The following UBXN7 variants were observed in gnomAD, a reference collection of about 807,000 sequenced individuals.
The protein encoded by UBXN7 is UBX domain protein 7, also known as UBX domain-containing protein 7.
Under a neutral mutation model 58.0 loss-of-function variants are expected in UBXN7, and 9 were observed. The ratio of observed to expected loss-of-function variants is 0.16; its 90% confidence interval spans 0.09 to 0.27. UBXN7 has a LOEUF of 0.27. Ranked by LOEUF, UBXN7 falls within the 10% of genes least tolerant of loss-of-function variation. The pLI is 1.00. For missense variants in UBXN7, 328 were observed against 599.6 expected (o/e 0.55, Z 4.73); for synonymous variants, 208 against 205.0 (o/e 1.01, Z -0.12).
In UBXN7 at chr3:196,358,018, G is replaced by A. The variant is rs546835530; in HGVS notation, c.1309-1172C>T. Among the ~76,000 whole-genome samples the A allele has an allele frequency of 2.0e-5, 3 of 152,030 alleles. No homozygotes were observed. In the South Asian group the frequency reaches 6.2e-4, roughly 32 times the overall value. ...GCCCCACAGCACTCCAGCCTGGGCA[G>A]AGCCAGATCGTGTCTACAAGAAAAG... On this transcript the variant is annotated intron_variant, in intron 10 of 10. Coordinates refer to ENST00000296328, the MANE Select transcript of UBXN7 (RefSeq NM_015562.2).
In UBXN7 at chr3:196,355,055, A is replaced by G. The variant is rs770746712; in HGVS notation, c.*1630T>C. On this transcript the variant is annotated 3_prime_UTR_variant, in exon 11 of 11. Transcript: ENST00000296328. ...AAACCATATCCTATAACTGTGTACT[A>G]GCAACACATGGCATCTTTTTTTCTT... 2.6e-5 allele frequency: 4 copies of G among 152,138 alleles called. No individual in the cohort carries two copies. The highest frequency in any genetic ancestry group is 4.4e-5 in the Non-Finnish European group (3 of 68,024). 9.4% of individuals were successfully genotyped at this position (152,138 alleles called of 1,614,324 possible).
At chr3:196,401,276 T>TAA (rs1729962195) in intron 3 of UBXN7, among the ~76,000 whole-genome samples, 1 of 21,178 alleles carries the variant, frequency 4.7e-5, no homozygotes, top group Non-Finnish European at 7.7e-5. Flanking sequence ...AAAAAAAAAA[T>TAA]ATATATATAT....
At chr3:196,393,692 A>G (rs1729653957) in intron 3 of UBXN7, 73 bp from the exon 4 acceptor site, 4 of 1,451,860 alleles carry the variant, frequency 2.8e-6, no homozygotes, top group East Asian at 2.5e-5. Context: ...GTCCTTATCT[A>G]AAAGTATTTT....
At position 196,398,688 on chromosome 3, in the gene UBXN7, C is replaced by T. The variant is rs528767092; in HGVS notation, c.289+4264G>A. Among the ~76,000 whole-genome samples the T allele has an allele frequency of 2.0e-5, 3 of 152,300 alleles. No individual in the cohort carries two copies. The South Asian group carries it at 6.2e-4, about 32-fold the overall frequency. Reference sequence around the variant, plus strand: ...GGTCTGTCATCAGTAGGCTGAAGTGCAGTGGTGCAATCATGGCTCATGCCT... The same window carrying T: ...GGTCTGTCATCAGTAGGCTGAAGTGTAGTGGTGCAATCATGGCTCATGCCT... On this transcript the variant is annotated intron_variant, in intron 3 of 10. Transcript: ENST00000296328.
chr3:196,424,197 G>A lies in UBXN7; in HGVS notation c.73+8130C>T, dbSNP rs188798255. Among the ~76,000 whole-genome samples, 11 of 151,852 alleles carry A rather than the reference G, an allele frequency of 7.2e-5. No individual in the cohort carries two copies. The East Asian group carries it at 2.1e-3, about 30-fold the overall frequency. On this transcript the variant is annotated intron_variant, in intron 1 of 10. Transcript: ENST00000296328. ...TGAGCCACCACACGTGGCCACTCCT[G>A]ATGCTTTAAGTGCCATGATACTCTC...
In UBXN7 at chr3:196,400,510, A is replaced by G. The variant is rs570021265; in HGVS notation, c.289+2442T>C. 10 of 159,076 alleles carry G rather than the reference A, an allele frequency of 6.3e-5. No individual in the cohort carries two copies. The South Asian group carries it at 1.1e-3, about 17-fold the overall frequency. 9.9% of individuals were successfully genotyped at this position (159,076 alleles called of 1,614,324 possible). A position where few individuals can be genotyped will look rare whatever the true frequency, so the allele number is the denominator to read the frequency against. ...CACGCCCGTAACTCCAATATGGGCC[A>G]AGGCCAAGGCCAAGGCAGGCAGGAA... On this transcript the variant is annotated intron_variant, in intron 3 of 10. Coordinates refer to ENST00000296328, the MANE Select transcript of UBXN7 (RefSeq NM_015562.2).
Position 196,349,435 on chromosome 3 carries a change from TG to T in UBXN7, c.*7249del, listed in dbSNP as rs1560212957. The T allele has an allele frequency of 2.0e-5, 3 of 152,202 alleles. No homozygotes were observed. Among genetic ancestry groups the T allele is most frequent in the Non-Finnish European group, 4.4e-5 (3 of 68,042 alleles). 9.4% of individuals were successfully genotyped at this position (152,202 alleles called of 1,614,324 possible). A position where few individuals can be genotyped will look rare whatever the true frequency, so the allele number is the denominator to read the frequency against. On this transcript the variant is annotated 3_prime_UTR_variant, in exon 11 of 11. Transcript: ENST00000296328. Reference sequence around the variant, plus strand: ...TCAAAAAGTTATTGTTAAAAGCATATGATTAGTGTCATAAACATATTTATAT... The same window carrying T: ...TCAAAAAGTTATTGTTAAAAGCATATATTAGTGTCATAAACATATTTATAT...
At position 196,417,723 on chromosome 3, in the gene UBXN7, T is replaced by TAAAAAAAAAAAAAAAAAAAA. The variant is rs1730541556; in HGVS notation, c.74-10331_74-10330insTTTTTTTTTTTTTTTTTTTT. Among the ~76,000 whole-genome samples, 4 of 78,438 alleles carry TAAAAAAAAAAAAAAAAAAAA rather than the reference T, an allele frequency of 5.1e-5. 1 individual carries two copies. Among genetic ancestry groups the TAAAAAAAAAAAAAAAAAAAA allele is most frequent in the Non-Finnish European group, 9.4e-5 (4 of 42,414 alleles). The allele number at this position is 78,438 out of a possible 152,430, so 51.5% of individuals were successfully genotyped here. ...TTTGAGACCAGTCTGGGCAAAATGG[T>TAAAAAAAAAAAAAAAAAAAA]TAAAAAAAAAAAAAAAAAAAAAAAA... On this transcript the variant is annotated intron_variant, in intron 1 of 10. Coordinates refer to ENST00000296328, the MANE Select transcript of UBXN7 (RefSeq NM_015562.2).
chr3:196,367,956 C>A, intron 8 of UBXN7, 72 bp downstream of exon 8: 1 of 1,555,520 alleles, frequency 6.4e-7, no homozygotes. Flanking sequence ...ATCTTAACAT[C>A]GAACATTTTA....
At chr3:196,371,021 C>T (rs1180468334) in intron 6 of UBXN7, among the ~76,000 whole-genome samples, 1 of 152,160 alleles carries the variant, frequency 6.6e-6, no homozygotes, top group African/African-American at 2.4e-5. Flanking sequence ...AAAACCCTGT[C>T]TCACAGTGGG....
At chr3:196,395,913 G>A (rs1356361141) in intron 3 of UBXN7, among the ~76,000 whole-genome samples, 1 of 152,018 alleles carries the variant, frequency 6.6e-6, no homozygotes, top group Non-Finnish European at 1.5e-5. Context: ...CAACAGGCAT[G>A]TGCCACCACG....
At chr3:196,393,760 T>C in intron 3 of UBXN7, 141 bp from the exon 4 acceptor site, 1 of 678,430 alleles carries the variant, frequency 1.5e-6, no homozygotes. Context: ...ACAGGGGCCG[T>C]GCTAATCTCT....
chr3:196,431,499 G>A (rs1419545364), intron 1 of UBXN7: 2 of 158,292 alleles, frequency 1.3e-5, no homozygotes, highest in African/African-American at 4.8e-5. Flanking sequence ...CCTAGGCCTA[G>A]GGTTTCGGGG....
At chr3:196,405,051 C>T (rs11924832) in intron 2 of UBXN7, among the ~76,000 whole-genome samples, 1,943 of 152,056 alleles carry the variant, frequency 0.013, 42 homozygotes, top group African/African-American at 0.044. Context: ...CTACTTGAGG[C>T]GCCGAGGTTG....
intron 1 of UBXN7, among the ~76,000 whole-genome samples, chr3:196,430,051 AAATT>A (rs754835030): frequency 1.1e-4 from 16 of 152,166 alleles, no homozygotes; most frequent in Non-Finnish European, 2.4e-4. Flanking sequence ...AAGAAACTGA[AAATT>A]AATTAAGTGG....
chr3:196,419,604 A>G (rs959055846), intron 1 of UBXN7, among the ~76,000 whole-genome samples: 1 of 152,224 alleles, frequency 6.6e-6, no homozygotes, highest in African/African-American at 2.4e-5. Context: ...GCTAACTGAA[A>G]GATAATTAAA....
In UBXN7 at chr3:196,420,780, G is replaced by A. The variant is rs553700355; in HGVS notation, c.73+11547C>T. 4.6e-5 allele frequency among the ~76,000 whole-genome samples: 7 copies of A among 152,198 alleles called. No individual in the cohort carries two copies. In the South Asian group the frequency reaches 6.2e-4, roughly 14 times the overall value. On this transcript the variant is annotated intron_variant, in intron 1 of 10. Coordinates refer to ENST00000296328, the MANE Select transcript of UBXN7 (RefSeq NM_015562.2). Reference sequence around the variant, plus strand: ...AACCCAGCTGTGGCACACAACTTATGATGGCCATTTTCATGCTGCTATCTC... The same window carrying A: ...AACCCAGCTGTGGCACACAACTTATAATGGCCATTTTCATGCTGCTATCTC...
rs1398862831 is a variant in UBXN7, at chr3:196,422,217, A to C, written c.73+10110T>G. Reference sequence around the variant, plus strand: ...TCCATCTCAAAAACAAAAAACAAAAAAGCCCAGGCGTGGAGGCTCACACCT... The same window carrying C: ...TCCATCTCAAAAACAAAAAACAAAACAGCCCAGGCGTGGAGGCTCACACCT... On this transcript the variant is annotated intron_variant, in intron 1 of 10. Transcript: ENST00000296328. Among the ~76,000 whole-genome samples, 3 of 151,972 alleles carry C rather than the reference A, an allele frequency of 2.0e-5. No individual in the cohort carries two copies. The East Asian group carries it at 5.8e-4, about 29-fold the overall frequency.
At chr3:196,406,644 C>T (rs911757987) in intron 2 of UBXN7, among the ~76,000 whole-genome samples, 2 of 151,674 alleles carry the variant, frequency 1.3e-5, no homozygotes, top group Non-Finnish European at 2.9e-5. Context: ...CACGGTTTCA[C>T]CATGTTGGTC....
Sources: gnomAD v4.1 joint callset for allele counts (sites outside exome capture counted in the v4.1 genomes callset) on GRCh38, gnomAD v4.1.1 for gene constraint, MANE v1.5 for transcripts, NCBI Gene and HGNC (gene_info 2026-07-23, HGNC 2026-07-21) for gene names.